Variants in KTN1 observed in about 807,000 individuals in gnomAD.
KTN1 encodes kinectin.
KTN1 carries 130 observed loss-of-function variants against 222.5 expected under a neutral mutation model. The observed-to-expected ratio is 0.58, with a 90% CI of 0.51 to 0.68. The LOEUF is 0.68. Among genes scored for constraint, KTN1 ranks in the 30% least tolerant of loss-of-function variants. KTN1 has a pLI of 0.00. For synonymous variants in KTN1, 512 were observed against 496.3 expected, an observed-to-expected ratio of 1.03 and a Z score of -0.42; for missense variants, 1,508 against 1,500.4, an observed-to-expected ratio of 1.01 and a Z score of -0.08.
intron 29 of KTN1, 178 bp downstream of exon 29, chr14:55,656,310 G>A (rs2043463464): frequency 1.8e-6 from 1 of 552,388 alleles, no homozygotes; most frequent in African/African-American, 1.9e-5. Flanking sequence ...ATGTGTGTAT[G>A]TATGTATACT....
chr14:55,646,333 C>T (rs761614950), intron 18 of KTN1, among the ~76,000 whole-genome samples: 4 of 152,042 alleles, frequency 2.6e-5, no homozygotes, highest in South Asian at 2.1e-4. Flanking sequence ...CACTTGTCTA[C>T]GTAAATGTTA....
In KTN1 at chr14:55,592,958, C is replaced by T. The variant is rs375061268; in HGVS notation, c.-31+12604C>T. Among the ~76,000 whole-genome samples, 80 of 152,178 alleles carry T rather than the reference C, an allele frequency of 5.3e-4. 1 individual carries two copies. The highest frequency in any genetic ancestry group is 1.9e-3 in the African/African-American group (79 of 41,544). Reference sequence around the variant, plus strand: ...GACCTGTCTTGGAGGCTAAGTTTATCCCGTGTTTTTAATTGTTCTATCATT... The same window carrying T: ...GACCTGTCTTGGAGGCTAAGTTTATTCCGTGTTTTTAATTGTTCTATCATT... On this transcript the variant is annotated intron_variant, in intron 1 of 43. Transcript: ENST00000395314.
At position 55,629,986 on chromosome 14, in the gene KTN1, T is replaced by C; in HGVS notation, c.1110T>C (p.Asn370=). ...TGATGACAGAGAAAGAAAGAAGCAA[T>C]GTGGTTATAACAAGGATGAAAGATC... ...QEMMTEKERS[N]VVITRMKDRI... Residue 370 remains asparagine, a synonymous_variant, in exon 7 of 44, where the codon AAT becomes AAC. Coordinates refer to ENST00000395314, the MANE Select transcript of KTN1 (RefSeq NM_001079521.2). The C allele has an allele frequency of 1.2e-6, 2 of 1,600,216 alleles. No individual in the cohort carries two copies. Among genetic ancestry groups the C allele is most frequent in the Non-Finnish European group, 1.7e-6 (2 of 1,168,232 alleles).
Position 55,633,363 on chromosome 14 carries a change from T to G in KTN1, c.1328+22T>G, listed in dbSNP as rs946209023. On this transcript the variant is annotated intron_variant, in intron 8 of 43. Coordinates refer to ENST00000395314, the MANE Select transcript of KTN1 (RefSeq NM_001079521.2). Reference sequence around the variant, plus strand: ...GCAAGTATGTTTCCAAATACCTTATTTTTTAATTGAATGGCAGAGTATTTT... The same window carrying G: ...GCAAGTATGTTTCCAAATACCTTATGTTTTAATTGAATGGCAGAGTATTTT... The G allele has an allele frequency of 6.0e-6, 8 of 1,330,092 alleles. No individual in the cohort carries two copies. In the Admixed American group the frequency reaches 6.3e-5, roughly 10 times the overall value. 82.4% of individuals were successfully genotyped at this position (1,330,092 alleles called of 1,614,324 possible).
At chr14:55,677,755 A>G (rs770004639) in intron 41 of KTN1, among the ~76,000 whole-genome samples, 38 of 152,142 alleles carry the variant, frequency 2.5e-4, no homozygotes, top group Middle Eastern at 3.4e-3. Flanking sequence ...CTGGAGTGCA[A>G]TGGCACCATC....
chr14:55,643,384 T>C (rs986019486), intron 18 of KTN1, among the ~76,000 whole-genome samples: 3 of 152,176 alleles, frequency 2.0e-5, no homozygotes, highest in Non-Finnish European at 2.9e-5. Flanking sequence ...ATTTTTACTG[T>C]TAAATAGCAG....
At chr14:55,601,021 C>T (rs760619829) in intron 1 of KTN1, among the ~76,000 whole-genome samples, 1 of 152,044 alleles carries the variant, frequency 6.6e-6, no homozygotes, top group South Asian at 2.1e-4. Context: ...GCAGCTATGA[C>T]CTCTGCAATT....
Position 55,634,622 on chromosome 14 carries a change from AAAG to A in KTN1, c.1431_1433del (p.Lys477del). On this transcript the variant is annotated inframe_deletion, in exon 9 of 44. Transcript: ENST00000395314. ...GAAAGCTACAGCAAGAGGAAGTCCAAAAGAAGAATGCTGAGCAAGCAGCTACTC... is the reference window on the plus strand; with the variant it reads ...GAAAGCTACAGCAAGAGGAAGTCCAAAAGAATGCTGAGCAAGCAGCTACTC... 6.2e-7 allele frequency: 1 copy of A among 1,613,876 alleles called. No homozygotes were observed. The highest frequency in any genetic ancestry group is 1.7e-5 in the Admixed American group (1 of 60,004).
In KTN1 at chr14:55,612,198, CA is replaced by C; in HGVS notation, c.154del (p.Thr52GlnfsTer41). 1.3e-6 allele frequency: 2 copies of C among 1,585,872 alleles called. No homozygotes were observed. The highest frequency in any genetic ancestry group is 8.5e-7 in the Non-Finnish European group (1 of 1,172,634). On this transcript the variant is annotated frameshift_variant, in exon 2 of 44. Transcript: ENST00000395314. LOFTEE classifies it high-confidence loss of function. ...AAAGAGAACAAAAGCTTATTCCTAC[CA>C]AAACAGATAAAAAGAAAGCAGAAAA... ...QKREQKLIPT[K>X]TDKKKAEKKK... is the part of the protein sequence containing the mutation.
intron 24 of KTN1, 101 bp downstream of exon 24, chr14:55,650,738 T>C: frequency 1.3e-6 from 1 of 789,740 alleles, no homozygotes; most frequent in South Asian, 1.6e-5. Flanking sequence ...TAGTATGCTG[T>C]AGGTATATTG....
intron 43 of KTN1, 103 bp downstream of exon 43, chr14:55,679,788 T>C (rs1246795978): frequency 4.2e-6 from 5 of 1,197,202 alleles, no homozygotes; most frequent in African/African-American, 3.1e-5. Flanking sequence ...GAAATATTCC[T>C]TCTTTATCTC....
intron 1 of KTN1, among the ~76,000 whole-genome samples, 194 bp from the exon 2 acceptor site, chr14:55,611,825 C>T (rs2037622258): frequency 6.6e-6 from 1 of 152,094 alleles, no homozygotes; most frequent in Non-Finnish European, 1.5e-5. Flanking sequence ...TACCACTTGT[C>T]TTATTTTTCA....
chr14:55,637,555 C>G (rs1173701050), intron 11 of KTN1, among the ~76,000 whole-genome samples, 191 bp downstream of exon 11: 1 of 151,286 alleles, frequency 6.6e-6, no homozygotes, highest in African/African-American at 2.4e-5. Flanking sequence ...GTCTTAGGCT[C>G]TTTGTGTTAG....
chr14:55,610,826 C>G (rs1235442911), intron 1 of KTN1, among the ~76,000 whole-genome samples: 1 of 152,236 alleles, frequency 6.6e-6, no homozygotes, highest in African/African-American at 2.4e-5. Context: ...TTAGCAGAAA[C>G]TACCCTTCAC....
At chr14:55,639,140 C>G in intron 12 of KTN1, 45 bp from the exon 13 acceptor site, 1 of 1,320,474 alleles carries the variant, frequency 7.6e-7, no homozygotes, top group Non-Finnish European at 1.1e-6. Context: ...AGCTATAAAG[C>G]TTTCTCTTAA....
chr14:55,612,481 C>G lies in KTN1; in HGVS notation c.433C>G (p.Pro145Ala), dbSNP rs754889831. 1 of 1,613,954 alleles carries G rather than the reference C, an allele frequency of 6.2e-7. No homozygotes were observed. The highest frequency in any genetic ancestry group is 8.5e-7 in the Non-Finnish European group (1 of 1,179,986). ...AAAGATTCCTGGCAAAAAAGTAGAA[C>G]CTGTCCCAGTTACTAAACAGCCCAC... is the stretch of plus-strand genomic sequence containing the variant. Reference protein sequence around the residue: ...ASKIPGKKVEPVPVTKQPTPP... With the variant: ...ASKIPGKKVEAVPVTKQPTPP... The change falls in exon 2 of 44, where the codon CCT becomes GCT. Residue 145 changes from proline to alanine, a missense_variant. Physicochemically the swap from Pro to Ala is conservative, Grantham distance 27. Transcript: ENST00000395314.
At chr14:55,677,600 A>G (rs1365127905) in intron 41 of KTN1, among the ~76,000 whole-genome samples, 4 of 152,204 alleles carry the variant, frequency 2.6e-5, no homozygotes, top group Non-Finnish European at 5.9e-5. Context: ...AGAGGGATCT[A>G]AACTAGGGGT....
intron 42 of KTN1, chr14:55,679,334 T>A (rs535250629): frequency 3.1e-5 from 12 of 382,452 alleles, no homozygotes; most frequent in Admixed American, 9.2e-5. Flanking sequence ...TTTCCTTTTG[T>A]GTCCAAGTGA....
intron 1 of KTN1, among the ~76,000 whole-genome samples, chr14:55,590,459 A>C (rs2033905476): frequency 6.6e-6 from 1 of 152,222 alleles, no homozygotes; most frequent in Non-Finnish European, 1.5e-5. Flanking sequence ...ACAGCCTTGT[A>C]TCTAATACCC....
Sources: allele counts gnomAD v4.1 joint callset (sites outside exome capture counted in the v4.1 genomes callset), GRCh38; gene constraint gnomAD v4.1.1; transcripts MANE v1.5; gene names NCBI Gene and HGNC (gene_info 2026-07-23, HGNC 2026-07-21).